Variants in NPR2 observed in about 807,000 individuals in gnomAD.
NPR2 encodes the protein atrial natriuretic peptide receptor 2.
Under a neutral mutation model 120.7 loss-of-function variants are expected in NPR2, and 49 were observed. The ratio of observed to expected loss-of-function variants is 0.41; its 90% CI spans 0.32 to 0.52. The LOEUF is 0.52. NPR2 is among the 20% of genes least tolerant of loss of function. The pLI, the probability that NPR2 is intolerant of heterozygous loss-of-function variation, is 0.36. For missense variants in NPR2, 931 were observed against 1,362.9 expected, an observed-to-expected ratio of 0.68 and a Z score of 4.99; for synonymous variants, 484 against 519.8, an observed-to-expected ratio of 0.93 and a Z score of 0.94.
In NPR2 at chr9:35,794,025, C is replaced by T; in HGVS notation, c.795C>T (p.Gly265=). Residue 265 remains glycine, a synonymous_variant, in exon 2 of 22, where the codon GGC becomes GGT. Transcript: ENST00000342694. ...TCTTTGGGGAGAGTCTCCGTGCAGG[C>T]CCCACACGTGCTACAGGCCGGCCCT... is the stretch of plus-strand genomic sequence containing the variant. The part of the protein sequence containing the change: ...LDVFGESLRA[G]PTRATGRPWQ... The T allele has an allele frequency of 6.2e-7, 1 of 1,614,210 alleles. No homozygotes were observed. The highest frequency in any genetic ancestry group is 8.5e-7 in the Non-Finnish European group (1 of 1,180,042).
rs1217392431 is a variant in NPR2, at chr9:35,802,774, C to T, written c.1858C>T (p.Arg620Cys). Residue 620 changes from arginine to cysteine, a missense_variant, in exon 12 of 22, where the codon CGT becomes TGT. Arg to Cys is a radical substitution (Grantham distance 180, BLOSUM62 -3). This residue lies in a region of NPR2 where 681 missense variants were observed against 974.3 expected (regional missense o/e 0.70). Coordinates refer to ENST00000342694, the MANE Select transcript of NPR2 (RefSeq NM_003995.4). This position sits in a 1 kb window ranked among gnomAD's most constrained non-coding sequence, Gnocchi z 4.2. Reference protein sequence around the residue: ...NDSINLDWMFRYSLINDLVKG... With the variant: ...NDSINLDWMFCYSLINDLVKG... ...CAGCATCAACTTGGACTGGATGTTTCGTTATTCACTCATTAATGACCTTGT... is the reference window on the plus strand; with the variant it reads ...CAGCATCAACTTGGACTGGATGTTTTGTTATTCACTCATTAATGACCTTGT... 20 of 1,612,386 alleles carry T rather than the reference C, an allele frequency of 1.2e-5. No individual in the cohort carries two copies. Among genetic ancestry groups the T allele is most frequent in the Non-Finnish European group, 1.5e-5 (18 of 1,178,546 alleles).
In NPR2 at chr9:35,806,513, G is replaced by T; in HGVS notation, c.2494G>T (p.Ala832Ser). 1.9e-6 allele frequency: 3 copies of T among 1,614,210 alleles called. No homozygotes were observed. The highest frequency in any genetic ancestry group is 2.2e-5 in the East Asian group (1 of 44,886). Reference sequence around the variant, plus strand: ...TCTGGAGGAAAAACGCAAGGCTGAAGCTCTGCTCTACCAAATCCTACCCCA... The same window carrying T: ...TCTGGAGGAAAAACGCAAGGCTGAATCTCTGCTCTACCAAATCCTACCCCA... ...AYLEEKRKAE[A>S]LLYQILPHSV... Residue 832 changes from alanine to serine, a missense_variant, in exon 16 of 22, where the codon GCT becomes TCT. Ala to Ser is a moderately conservative substitution (Grantham distance 99). Around this residue, in one of 3 missense-constraint regions of NPR2, gnomAD observed 184 missense variants for 328.3 expected, o/e 0.56. Coordinates refer to ENST00000342694, the MANE Select transcript of NPR2 (RefSeq NM_003995.4). This position sits in a 1 kb window ranked among gnomAD's most constrained non-coding sequence, Gnocchi z 4.6.
intron 2 of NPR2, 126 bp from the exon 3 acceptor site, chr9:35,799,492 C>T: frequency 2.7e-6 from 2 of 740,000 alleles, no homozygotes. Context: ...CTTTCAAAGC[C>T]TTCAGACTCA....
At chr9:35,804,080 T>A (rs966211506) in intron 12 of NPR2, among the ~76,000 whole-genome samples, 1 of 152,194 alleles carries the variant, frequency 6.6e-6, no homozygotes, top group African/African-American at 2.4e-5. Flanking sequence ...AAGGAAGAAT[T>A]CATAGAGATT....
chr9:35,796,874 G>T (rs1382076808), intron 2 of NPR2, among the ~76,000 whole-genome samples: 1 of 152,180 alleles, frequency 6.6e-6, no homozygotes, highest in Non-Finnish European at 1.5e-5. Context: ...TTCTCCCAGA[G>T]ACACTGGCCC....
At position 35,802,940 on chromosome 9, in the gene NPR2, G is replaced by A; in HGVS notation, c.1887+137G>A. ...TTATTCCCATGGTCTGGTAATAATG[G>A]GTAAACAAGGAGTCTGGGGCTTATA... On this transcript the variant is annotated intron_variant, in intron 12 of 21. Coordinates refer to ENST00000342694, the MANE Select transcript of NPR2 (RefSeq NM_003995.4). This position sits in a 1 kb window ranked among gnomAD's most constrained non-coding sequence, Gnocchi z 4.2. 1 of 717,634 alleles carries A rather than the reference G, an allele frequency of 1.4e-6. No individual in the cohort carries two copies. The highest frequency in any genetic ancestry group is 2.5e-6 in the Non-Finnish European group (1 of 393,346). 44.5% of individuals were successfully genotyped at this position (717,634 alleles called of 1,614,324 possible). A position where few individuals can be genotyped will look rare whatever the true frequency, so the allele number is the denominator to read the frequency against.
rs1361984157 is a variant in NPR2, at chr9:35,792,126, C to A, written c.-283C>A. Reference sequence around the variant, plus strand: ...TTCTTCACCTCGCACTGTCCCCATCCTGGCCGCAGGCCCCCTCGGTCCCTC... The same window carrying A: ...TTCTTCACCTCGCACTGTCCCCATCATGGCCGCAGGCCCCCTCGGTCCCTC... On this transcript the variant is annotated 5_prime_UTR_variant, in exon 1 of 22. It adds an upstream start codon to the 5' untranslated region. Transcript: ENST00000342694. 1.1e-5 allele frequency: 6 copies of A among 526,736 alleles called. No homozygotes were observed. Among genetic ancestry groups the A allele is most frequent in the Non-Finnish European group, 2.1e-5 (6 of 291,650 alleles). The allele number at this position is 526,736 out of a possible 1,614,324, so 32.6% of individuals were successfully genotyped here.
intron 1 of NPR2, among the ~76,000 whole-genome samples, chr9:35,793,667 T>C (rs994672866): frequency 4.6e-5 from 7 of 152,146 alleles, no homozygotes; most frequent in Admixed American, 1.3e-4. Flanking sequence ...GACAGCTCCC[T>C]TCCTCTGGGG....
intron 7 of NPR2, 82 bp from the exon 8 acceptor site, chr9:35,801,561 G>C (rs1588059928): frequency 6.6e-7 from 1 of 1,504,026 alleles, no homozygotes; most frequent in East Asian, 2.3e-5. Flanking sequence ...AGGAGCTGCA[G>C]GGAAGCCCCT....
Position 35,800,277 on chromosome 9 carries a change from G to T in NPR2, c.1124-112G>T. Reference sequence around the variant, plus strand: ...GGGGGTTAGTGAATATGGCAGAGTTGCCCACACCTCAAGATCGGGGAAGGG... The same window carrying T: ...GGGGGTTAGTGAATATGGCAGAGTTTCCCACACCTCAAGATCGGGGAAGGG... On this transcript the variant is annotated intron_variant, in intron 4 of 21. Coordinates refer to ENST00000342694, the MANE Select transcript of NPR2 (RefSeq NM_003995.4). This position sits in a 1 kb window ranked among gnomAD's most constrained non-coding sequence, Gnocchi z 4.7. The T allele has an allele frequency of 2.1e-6, 3 of 1,398,480 alleles. No homozygotes were observed. Among genetic ancestry groups the T allele is most frequent in the Non-Finnish European group, 3.1e-6 (3 of 983,492 alleles). 86.6% of individuals were successfully genotyped at this position (1,398,480 alleles called of 1,614,324 possible). A position where few individuals can be genotyped will look rare whatever the true frequency, so the allele number is the denominator to read the frequency against.
rs763342263 is a variant in NPR2, at chr9:35,794,101, C to G, written c.871C>G (p.Gln291Glu). 2 of 1,613,450 alleles carry G rather than the reference C, an allele frequency of 1.2e-6. No individual in the cohort carries two copies. The highest frequency in any genetic ancestry group is 1.7e-6 in the Non-Finnish European group (2 of 1,179,550). Residue 291 changes from glutamine (Q) to glutamate (E), a missense_variant and splice_region_variant, in exon 2 of 22, where the codon CAG becomes GAG. Physicochemically the swap from Gln to Glu is conservative, Grantham distance 29. Transcript: ENST00000342694. ...GGCCCAGGCCCTCAGAGAGGCCTTT[C>G]AGGTATCATTTGAGCCAAATCTGAA... ...EQAQALREAFQTVLVITYREP... is the reference protein window; with the variant it reads ...EQAQALREAFETVLVITYREP...
At position 35,792,294 on chromosome 9, in the gene NPR2, C is replaced by A; in HGVS notation, c.-115C>A. ...TCTGCATCCCAGCCTACCTAGCCTA[C>A]TCCTCCTCTTCCTGGCCCTCTTCCC... On this transcript the variant is annotated 5_prime_UTR_variant, in exon 1 of 22. Coordinates refer to ENST00000342694, the MANE Select transcript of NPR2 (RefSeq NM_003995.4). The A allele has an allele frequency of 1.8e-6, 2 of 1,133,948 alleles. No individual in the cohort carries two copies. The highest frequency in any genetic ancestry group is 2.5e-6 in the Non-Finnish European group (2 of 811,920). The allele number at this position is 1,133,948 out of a possible 1,614,324, so 70.2% of individuals were successfully genotyped here.
Position 35,802,565 on chromosome 9 carries a change from C to T in NPR2, c.1773C>T (p.Asn591=). 1 of 1,607,896 alleles carries T rather than the reference C, an allele frequency of 6.2e-7. No homozygotes were observed. The highest frequency in any genetic ancestry group is 1.7e-4 in the Middle Eastern group (1 of 6,058). ...RFIGACIDPP[N]ICIVTEYCPR... ...TTGGCGCCTGCATAGACCCTCCCAACATTTGCATTGTCACTGAATACTGTC... is the reference window on the plus strand; with the variant it reads ...TTGGCGCCTGCATAGACCCTCCCAATATTTGCATTGTCACTGAATACTGTC... The change falls in exon 11 of 22, where the codon AAC becomes AAT. Residue 591 remains asparagine, a synonymous_variant. Coordinates refer to ENST00000342694, the MANE Select transcript of NPR2 (RefSeq NM_003995.4). The surrounding 1 kb of genome is among the most constrained non-coding windows in gnomAD (Gnocchi z 4.2).
In NPR2 at chr9:35,800,751, A is replaced by G. The variant is rs1276742633; in HGVS notation, c.1261A>G (p.Thr421Ala). 6.2e-7 allele frequency: 1 copy of G among 1,614,004 alleles called. No homozygotes were observed. The highest frequency in any genetic ancestry group is 8.5e-7 in the Non-Finnish European group (1 of 1,180,008). ...GGGAGCTGAGAAGCAGATTTGGTGG[A>G]CGGGACGGCCTATTCCCTGGGTGAA... The part of the protein sequence containing the change: ...YSGAEKQIWW[T>A]GRPIPWVKGA... The change falls in exon 6 of 22, where the codon ACG becomes GCG. Residue 421 changes from threonine to alanine, a missense_variant. Coordinates refer to ENST00000342694, the MANE Select transcript of NPR2 (RefSeq NM_003995.4). The surrounding 1 kb of genome is among the most constrained non-coding windows in gnomAD (Gnocchi z 4.7).
In NPR2 at chr9:35,792,007, C is replaced by T; in HGVS notation, c.-402C>T. ...TCCCGGCCCTTTCAGCTGTGAGGTT[C>T]CCCCAGGCCGTTTCTTTGTACCACC... On this transcript the variant is annotated 5_prime_UTR_variant, in exon 1 of 22. Transcript: ENST00000342694. The T allele has an allele frequency of 4.1e-6, 1 of 246,286 alleles. No individual in the cohort carries two copies. Among genetic ancestry groups the T allele is most frequent in the South Asian group, 6.1e-5 (1 of 16,492 alleles). 15.3% of individuals were successfully genotyped at this position (246,286 alleles called of 1,614,324 possible). A position where few individuals can be genotyped will look rare whatever the true frequency, so the allele number is the denominator to read the frequency against.
At chr9:35,799,238 G>A (rs1828045849) in intron 2 of NPR2, among the ~76,000 whole-genome samples, 1 of 152,148 alleles carries the variant, frequency 6.6e-6, no homozygotes, top group Non-Finnish European at 1.5e-5. Context: ...GGACAGAGGA[G>A]CCGTGTGAGC....
intron 18 of NPR2, chr9:35,807,948 T>C: frequency 1.8e-6 from 1 of 555,216 alleles, no homozygotes; most frequent in Non-Finnish European, 3.2e-6. Context: ...GTATGGAAAG[T>C]ACCTAACATT....
rs770942632 is a variant in NPR2 at position 35,808,289 on chromosome 9, C to T, written c.2713-220C>T. 1.9e-6 allele frequency: 3 copies of T among 1,611,840 alleles called. No individual in the cohort carries two copies. Among genetic ancestry groups the T allele is most frequent in the Non-Finnish European group, 2.5e-6 (3 of 1,178,008 alleles). ...TGTTCATTCATTCCGCAAATGTTTACTGAGTATTCACCAGGTGCTGGGTGG... is the reference window on the plus strand; with the variant it reads ...TGTTCATTCATTCCGCAAATGTTTATTGAGTATTCACCAGGTGCTGGGTGG... On this transcript the variant is annotated intron_variant, in intron 18 of 21. Transcript: ENST00000342694. The surrounding 1 kb of genome is among the most constrained non-coding windows in gnomAD (Gnocchi z 4.0).
rs1481415070 is a variant in NPR2, at chr9:35,808,109, C to T, written c.2713-400C>T. 2 of 1,224,742 alleles carry T rather than the reference C, an allele frequency of 1.6e-6. No homozygotes were observed. The highest frequency in any genetic ancestry group is 1.5e-5 in the African/African-American group (1 of 66,934). The allele number at this position is 1,224,742 out of a possible 1,614,324, so 75.9% of individuals were successfully genotyped here. On this transcript the variant is annotated intron_variant, in intron 18 of 21. Coordinates refer to ENST00000342694, the MANE Select transcript of NPR2 (RefSeq NM_003995.4). This position sits in a 1 kb window ranked among gnomAD's most constrained non-coding sequence, Gnocchi z 4.0. ...TGGCACAATTACCAAAATCAAATGC[C>T]TGCTTTCCTCCTCTCTGACAGTTTG...
Sources: allele counts gnomAD v4.1 joint callset (sites outside exome capture counted in the v4.1 genomes callset), GRCh38; gene constraint gnomAD v4.1.1; regional missense constraint gnomAD v4.1.1; non-coding constraint Gnocchi (gnomAD v3.1); transcripts MANE v1.5; gene names NCBI Gene and HGNC (gene_info 2026-07-23, HGNC 2026-07-21).